FRMD4B: variants seen among roughly 807,000 people sequenced by gnomAD.
FRMD4B encodes the protein FERM domain-containing protein 4B.
Under a neutral mutation model 141.5 loss-of-function variants are expected in FRMD4B, and 74 were observed. The observed-to-expected ratio is 0.52, with a 90% confidence interval of 0.43 to 0.63. The LOEUF is 0.63. Ranked by LOEUF, FRMD4B falls within the 30% of genes least tolerant of loss-of-function variation. The pLI is 0.00. For synonymous variants in FRMD4B, 506 were observed against 467.9 expected (o/e 1.08, Z -1.05); for missense variants, 1,366 against 1,253.4 (o/e 1.09, Z -1.36).
At chr3:69,380,390 T>G (rs1435035605) in intron 1 of FRMD4B, among the ~76,000 whole-genome samples, 1 of 152,152 alleles carries the variant, frequency 6.6e-6, no homozygotes, top group Non-Finnish European at 1.5e-5. Flanking sequence ...GCAATAGTAA[T>G]GCCCCTAGCT....
In FRMD4B at chr3:69,404,917, A is replaced by T. The variant is rs1704625237; in HGVS notation, c.-1+27717T>A. On this transcript the variant is annotated intron_variant, in intron 2 of 5. Transcript: ENST00000459638. The stretch of plus-strand genomic sequence containing the variant: ...CAACTGTGTCCTCAGGGCTTATCAC[A>T]GTGCTTGCAAATAACAGGCAGGAAT... Among the ~76,000 whole-genome samples, 4 of 152,342 alleles carry T rather than the reference A, an allele frequency of 2.6e-5. No individual in the cohort carries two copies. In the South Asian group the frequency reaches 8.3e-4, roughly 32 times the overall value.
chr3:69,509,248 G>A (rs1261702346), intron 1 of FRMD4B, among the ~76,000 whole-genome samples: 1 of 152,212 alleles, frequency 6.6e-6, no homozygotes, highest in Non-Finnish European at 1.5e-5. Flanking sequence ...CCCCTGGAAC[G>A]GAAGCGATCG....
intron 1 of FRMD4B, among the ~76,000 whole-genome samples, chr3:69,523,027 C>G (rs952768010): frequency 6.6e-6 from 1 of 150,516 alleles, no homozygotes; most frequent in African/African-American, 2.4e-5. Flanking sequence ...TTCAGGAATC[C>G]ATTCACATAC....
intron 1 of FRMD4B, among the ~76,000 whole-genome samples, chr3:69,343,101 ACAC>A (rs145506957): frequency 0.13 from 6,651 of 52,048 alleles, 201 homozygotes; most frequent in Middle Eastern, 0.25. Flanking sequence ...CTGCAGAGGC[ACAC>A]CACCACATCT....
chr3:69,379,879 T>C (rs1704069636), intron 1 of FRMD4B, among the ~76,000 whole-genome samples: 1 of 152,250 alleles, frequency 6.6e-6, no homozygotes, highest in African/African-American at 2.4e-5. Context: ...AACAAAACTT[T>C]ATTTACAAAA....
At chr3:69,291,255 A>G (rs1700862764) in intron 4 of FRMD4B, among the ~76,000 whole-genome samples, 1 of 152,150 alleles carries the variant, frequency 6.6e-6, no homozygotes, top group Non-Finnish European at 1.5e-5. Flanking sequence ...TTCACTTTTA[A>G]TTACTTCAAT....
At chr3:69,469,809 C>T (rs1705857396) in intron 1 of FRMD4B, among the ~76,000 whole-genome samples, 1 of 152,304 alleles carries the variant, frequency 6.6e-6, no homozygotes, top group South Asian at 2.1e-4. Context: ...ACAAGCGAGA[C>T]TTTGATTTAG....
intron 11 of FRMD4B, among the ~76,000 whole-genome samples, chr3:69,203,320 C>CAAAAAAAAAAAAAAAAAAAAAAAAAA (rs796607832): frequency 4.6e-5 from 5 of 107,898 alleles, no homozygotes; most frequent in African/African-American, 7.5e-5. Flanking sequence ...CAAACTTCAG[C>CAAAAAAAAAAAAAAAAAAAAAAAAAA]AAAAAAAAAA....
At chr3:69,505,166 T>TA (rs1472792750) in intron 1 of FRMD4B, among the ~76,000 whole-genome samples, 3 of 151,938 alleles carry the variant, frequency 2.0e-5, no homozygotes, top group Non-Finnish European at 4.4e-5. Context: ...GGCCTGGAGT[T>TA]AGAGACCAGC....
intron 1 of FRMD4B, among the ~76,000 whole-genome samples, chr3:69,329,960 G>C (rs1405386293): frequency 3.3e-5 from 5 of 152,018 alleles, no homozygotes; most frequent in African/African-American, 9.7e-5. Flanking sequence ...TATACTTCAA[G>C]AAATCCACAG....
intron 1 of FRMD4B, among the ~76,000 whole-genome samples, chr3:69,343,138 G>T (rs1420389305): frequency 1.3e-5 from 2 of 152,058 alleles, no homozygotes; most frequent in African/African-American, 2.4e-5. Context: ...AATTTTTGTA[G>T]AGGTAGGGTC....
chr3:69,212,579 G>C lies in FRMD4B; in HGVS notation c.876+3684C>G, dbSNP rs1005813655. Among the ~76,000 whole-genome samples, 7 of 152,040 alleles carry C rather than the reference G, an allele frequency of 4.6e-5. No homozygotes were observed. The South Asian group carries it at 1.5e-3, about 32-fold the overall frequency. ...TTATGATCAGTGTCAAGAAGTATTT[G>C]CCAATTTCTATGAAACTGTGAACGT... On this transcript the variant is annotated intron_variant, in intron 11 of 22. Transcript: ENST00000398540.
At chr3:69,264,906 C>G (rs2093550896) in intron 5 of FRMD4B, among the ~76,000 whole-genome samples, 1 of 152,026 alleles carries the variant, frequency 6.6e-6, no homozygotes, top group Non-Finnish European at 1.5e-5. Context: ...TAAACGGAGA[C>G]AGAGAAAGTT....
intron 2 of FRMD4B, among the ~76,000 whole-genome samples, chr3:69,399,733 G>A (rs1190826625): frequency 1.3e-5 from 2 of 152,132 alleles, no homozygotes; most frequent in Non-Finnish European, 2.9e-5. Flanking sequence ...TAGCTTTAAT[G>A]TTGATCCCTC....
intron 5 of FRMD4B, among the ~76,000 whole-genome samples, chr3:69,275,057 A>G (rs886656642): frequency 6.6e-6 from 1 of 152,264 alleles, no homozygotes; most frequent in Non-Finnish European, 1.5e-5. Flanking sequence ...AGTGGACAAG[A>G]GGTCAAAGTA....
At chr3:69,468,531 C>A (rs1399647273) in intron 1 of FRMD4B, among the ~76,000 whole-genome samples, 1 of 152,112 alleles carries the variant, frequency 6.6e-6, no homozygotes, top group Non-Finnish European at 1.5e-5. Context: ...GTCAGAAATG[C>A]AATAAATATT....
chr3:69,181,642 G>A lies in FRMD4B; in HGVS notation c.2108C>T (p.Ser703Phe), dbSNP rs1177098367. 4.3e-6 allele frequency: 7 copies of A among 1,613,258 alleles called. No homozygotes were observed. The highest frequency in any genetic ancestry group is 5.1e-6 in the Non-Finnish European group (6 of 1,179,372). ...GSLESQSHLLSEMDSDKPFFS... is the reference protein window; with the variant it reads ...GSLESQSHLLFEMDSDKPFFS... Reference sequence around the variant, plus strand: ...AAATGGCTTATCGCTGTCCATCTCGGAGAGCAGGTGGGACTGGGACTCCAG... The same window carrying A: ...AAATGGCTTATCGCTGTCCATCTCGAAGAGCAGGTGGGACTGGGACTCCAG... The change falls in exon 21 of 23, where the codon TCC (serine) becomes TTC (phenylalanine). Residue 703 changes from serine to phenylalanine, a missense_variant. Transcript: ENST00000398540.
intron 1 of FRMD4B, among the ~76,000 whole-genome samples, chr3:69,444,114 A>G (rs1030542952): frequency 4.6e-5 from 7 of 152,032 alleles, no homozygotes; most frequent in African/African-American, 1.7e-4. Flanking sequence ...CTCCCATCCA[A>G]TCAGCATTCC....
intron 5 of FRMD4B, among the ~76,000 whole-genome samples, chr3:69,284,811 A>G (rs2107043880): frequency 6.6e-6 from 1 of 152,344 alleles, no homozygotes; most frequent in Admixed American, 6.5e-5. Flanking sequence ...ATATGCTTAA[A>G]AAGTTAAATA....
Sources: allele counts gnomAD v4.1 joint callset (sites outside exome capture counted in the v4.1 genomes callset), GRCh38; gene constraint gnomAD v4.1.1; transcripts MANE v1.5; gene names NCBI Gene and HGNC (gene_info 2026-07-23, HGNC 2026-07-21).